LONRF2: variants seen among roughly 807,000 people sequenced by gnomAD.
LONRF2 encodes the protein LON peptidase N-terminal domain and RING finger protein 2.
A neutral mutation model predicts 66.6 loss-of-function variants in LONRF2; 35 were observed. That is an observed-to-expected ratio of 0.53 (90% CI 0.40 to 0.70). LONRF2 has a LOEUF of 0.70. Ranked by LOEUF, LONRF2 falls within the 30% of genes least tolerant of loss-of-function variation. The pLI is 0.00. For synonymous variants in LONRF2, 417 were observed against 418.1 expected (o/e 1.00, Z 0.03); for missense variants, 902 against 1,002.1 (o/e 0.90, Z 1.35).
At chr2:100,317,080 G>A (rs1320244037) in intron 1 of LONRF2, among the ~76,000 whole-genome samples, 1 of 152,090 alleles carries the variant, frequency 6.6e-6, no homozygotes, top group Admixed American at 6.5e-5. Flanking sequence ...TTTACCTCGT[G>A]TGTAAACAGC....
At chr2:100,290,616 T>C (rs1674940308) in intron 9 of LONRF2, among the ~76,000 whole-genome samples, 196 bp from the exon 10 acceptor site, 2 of 152,192 alleles carry the variant, frequency 1.3e-5, no homozygotes, top group South Asian at 2.1e-4. Flanking sequence ...ATAGTGGTGA[T>C]GGTGGCTGCA....
In LONRF2 at chr2:100,278,032, C is replaced by T. The variant is rs1057242297; in HGVS notation, c.*6266G>A. ...CTCTGGGAAAAGGCATTCGCTACAA[C>T]TTCCACAGCCCTGATAGGTTCCACA... On this transcript the variant is annotated 3_prime_UTR_variant, in exon 12 of 12. Coordinates refer to ENST00000393437, the MANE Select transcript of LONRF2 (RefSeq NM_198461.4). 2 of 152,196 alleles carry T rather than the reference C, an allele frequency of 1.3e-5. No homozygotes were observed. Among genetic ancestry groups the T allele is most frequent in the African/African-American group, 4.8e-5 (2 of 41,440 alleles). The allele number at this position is 152,196 out of a possible 1,614,324, so 9.4% of individuals were successfully genotyped here.
At chr2:100,290,183 AC>A in intron 10 of LONRF2, 74 bp downstream of exon 10, 8 of 1,403,766 alleles carry the variant, frequency 5.7e-6, no homozygotes, top group Non-Finnish European at 7.8e-6. Flanking sequence ...TACAAGTTTG[AC>A]AAAGCTTTTC....
In LONRF2 at chr2:100,299,723, T is replaced by G; in HGVS notation, c.1261A>C (p.Lys421Gln). The change falls in exon 5 of 12, where the codon AAG becomes CAG. Residue 421 changes from lysine to glutamine, a missense_variant. Physicochemically the swap from Lys to Gln is moderately conservative, Grantham distance 53 (BLOSUM62 1). This residue lies in a region of LONRF2 where 585 missense variants were observed against 569.9 expected (regional missense o/e 1.03). Transcript: ENST00000393437. ...ATGAAAACAGTTCACTGACCTTTCT[T>G]GGGAATTTTTCCAGGGGCGTTCAGG... ...PDLNAPGKIP[K>Q]KDLSLQRSPN... 1 of 1,614,006 alleles carries G rather than the reference T, an allele frequency of 6.2e-7. No individual in the cohort carries two copies. The highest frequency in any genetic ancestry group is 8.5e-7 in the Non-Finnish European group (1 of 1,179,970).
chr2:100,295,377 G>A (rs1675043581), intron 8 of LONRF2, 55 bp downstream of exon 8: 2 of 1,546,648 alleles, frequency 1.3e-6, no homozygotes, highest in South Asian at 1.2e-5. Flanking sequence ...TGAAGCTGAA[G>A]TTGACAAAGT....
chr2:100,307,049 T>C (rs1456124368), intron 2 of LONRF2, among the ~76,000 whole-genome samples: 1 of 151,610 alleles, frequency 6.6e-6, no homozygotes, highest in African/African-American at 2.4e-5. Flanking sequence ...GCCTCCCGAG[T>C]AGCTGGGACT....
Position 100,300,708 on chromosome 2 carries a change from G to C in LONRF2, c.1001C>G (p.Ala334Gly), listed in dbSNP as rs1336355059. The C allele has an allele frequency of 6.2e-7, 1 of 1,613,768 alleles. No individual in the cohort carries two copies. The highest frequency in any genetic ancestry group is 8.5e-7 in the Non-Finnish European group (1 of 1,179,888). Residue 334 changes from alanine to glycine, a missense_variant, in exon 4 of 12, where the codon GCT becomes GGT. Transcript: ENST00000393437. ...GGCATTCATGTGGCTGTGACCCTGA[G>C]CCTTTAATCTGCTTTGGATGGAAGA... ...LTSSIQSRLK[A>G]QGHSHMNAQA...
rs115799746 is a variant in LONRF2 at position 100,313,592 on chromosome 2, C to T, written c.680-4367G>A. ...GAATAAGTGGCAATACTCCTCAAAG[C>T]CTATTTATTCAAATTGATGGAAGAC... On this transcript the variant is annotated intron_variant, in intron 1 of 11. Coordinates refer to ENST00000393437, the MANE Select transcript of LONRF2 (RefSeq NM_198461.4). 2.8e-3 allele frequency among the ~76,000 whole-genome samples: 421 copies of T among 152,240 alleles called. 2 individuals carry two copies. The highest frequency in any genetic ancestry group is 7.2e-3 in the African/African-American group (297 of 41,538).
intron 1 of LONRF2, among the ~76,000 whole-genome samples, chr2:100,315,462 G>A (rs906982685): frequency 2.6e-5 from 4 of 152,124 alleles, no homozygotes; most frequent in African/African-American, 4.8e-5. Flanking sequence ...CCAGTGAAAT[G>A]CTGAGTGGCA....
At position 100,321,961 on chromosome 2, in the gene LONRF2, G is replaced by T. The variant is rs527552161; in HGVS notation, c.133C>A (p.Leu45Ile). The T allele has an allele frequency of 3.9e-5, 57 of 1,467,536 alleles. No homozygotes were observed. In the African/African-American group the frequency reaches 6.9e-4, roughly 18 times the overall value. The allele number at this position is 1,467,536 out of a possible 1,614,324, so 90.9% of individuals were successfully genotyped here. The change falls in exon 1 of 12, where the codon CTC becomes ATC. Residue 45 changes from leucine to isoleucine, a missense_variant. Physicochemically the swap from Leu to Ile is conservative, Grantham distance 5 (BLOSUM62 2). Coordinates refer to ENST00000393437, the MANE Select transcript of LONRF2 (RefSeq NM_198461.4). ...AGCCCGGCTAGCATGGAGCGAAAGA[G>T]CTCGGCTGCCATCTCGTAGTCGCCC... ...RAGDYEMAAE[L>I]FRSMLAGLAQ...
At position 100,299,721 on chromosome 2, in the gene LONRF2, C is replaced by T. The variant is rs1329828868; in HGVS notation, c.1263G>A (p.Lys421=). 1 of 1,613,914 alleles carries T rather than the reference C, an allele frequency of 6.2e-7. No homozygotes were observed. Among genetic ancestry groups the T allele is most frequent in the African/African-American group, 1.3e-5 (1 of 75,022 alleles). The change falls in exon 5 of 12, where the codon AAG becomes AAA. Residue 421 remains lysine (K), a synonymous_variant. Coordinates refer to ENST00000393437, the MANE Select transcript of LONRF2 (RefSeq NM_198461.4). ...TGATGAAAACAGTTCACTGACCTTT[C>T]TTGGGAATTTTTCCAGGGGCGTTCA... ...PDLNAPGKIP[K]KDLSLQRSPN...
chr2:100,289,667 ACCTCGTGACCTGCCCACCTTGG>A (rs1674918451), intron 10 of LONRF2, among the ~76,000 whole-genome samples: 1 of 151,968 alleles, frequency 6.6e-6, no homozygotes, highest in African/African-American at 2.4e-5. Context: ...CAATCTCCTG[ACCTCGTGACCTGCCCACCTTGG>A]CCTCCCAAAG....
chr2:100,295,897 G>C (rs986722198), intron 7 of LONRF2, among the ~76,000 whole-genome samples: 2 of 152,346 alleles, frequency 1.3e-5, no homozygotes, highest in East Asian at 1.9e-4. Flanking sequence ...CTTGGAAAGT[G>C]AAGAACTGGA....
chr2:100,309,250 C>A (rs754519451), intron 1 of LONRF2, 25 bp from the exon 2 acceptor site: 1 of 1,476,540 alleles, frequency 6.8e-7, no homozygotes, highest in South Asian at 1.2e-5. Flanking sequence ...GAATACAAAT[C>A]AATAAAAATG....
In LONRF2 at chr2:100,283,578, T is replaced by TAC. The variant is rs749184979; in HGVS notation, c.*719_*720insGT. 4 of 151,086 alleles carry TAC rather than the reference T, an allele frequency of 2.6e-5. No individual in the cohort carries two copies. Among genetic ancestry groups the TAC allele is most frequent in the South Asian group, 2.1e-4 (1 of 4,776 alleles). The allele number at this position is 151,086 out of a possible 1,614,324, so 9.4% of individuals were successfully genotyped here. On this transcript the variant is annotated 3_prime_UTR_variant, in exon 12 of 12. Coordinates refer to ENST00000393437, the MANE Select transcript of LONRF2 (RefSeq NM_198461.4). ...TTTAACTCACTTTATTGTGTGTAAATATATATATATATATCCTCAAGTGAA... is the reference window on the plus strand; with the variant it reads ...TTTAACTCACTTTATTGTGTGTAAATACATATATATATATATCCTCAAGTGAA...
Position 100,299,825 on chromosome 2 carries a change from A to T in LONRF2, c.1159T>A (p.Leu387Ile). 1.2e-6 allele frequency: 2 copies of T among 1,613,698 alleles called. No individual in the cohort carries two copies. Among genetic ancestry groups the T allele is most frequent in the Non-Finnish European group, 1.7e-6 (2 of 1,179,710 alleles). The change falls in exon 5 of 12, where the codon TTA becomes ATA. Residue 387 changes from leucine (L) to isoleucine (I), a missense_variant. Leu to Ile is a conservative substitution (Grantham distance 5). Coordinates refer to ENST00000393437, the MANE Select transcript of LONRF2 (RefSeq NM_198461.4). ...GLHFEEDKKA[L>I]ESILPTAPSA... The stretch of plus-strand genomic sequence containing the variant: ...GGTGCTGTTGGAAGGATGCTTTCTA[A>T]CGCCTTTTTATCCTCTTCAAAGTGT...
At chr2:100,313,873 A>ATTATCACTAAT (rs1467753045) in intron 1 of LONRF2, among the ~76,000 whole-genome samples, 1 of 152,182 alleles carries the variant, frequency 6.6e-6, no homozygotes, top group Non-Finnish European at 1.5e-5. Flanking sequence ...TTCTCACTAA[A>ATTATCACTAAT]TTATCATTCT....
chr2:100,273,820 T>C lies in LONRF2; in HGVS notation c.*10478A>G, dbSNP rs2105703464. 1 of 152,284 alleles carries C rather than the reference T, an allele frequency of 6.6e-6. No homozygotes were observed. Among genetic ancestry groups the C allele is most frequent in the South Asian group, 2.1e-4 (1 of 4,818 alleles). The allele number at this position is 152,284 out of a possible 1,614,324, so 9.4% of individuals were successfully genotyped here. A position where few individuals can be genotyped will look rare whatever the true frequency, so the allele number is the denominator to read the frequency against. On this transcript the variant is annotated 3_prime_UTR_variant, in exon 12 of 12. Coordinates refer to ENST00000393437, the MANE Select transcript of LONRF2 (RefSeq NM_198461.4). ...GTAAAATCATTTCACAACTCTAAAA[T>C]TAAGATGCTAATGACACCACTCTCC...
chr2:100,292,876 C>A (rs1207328712), intron 9 of LONRF2, among the ~76,000 whole-genome samples: 7 of 152,078 alleles, frequency 4.6e-5, no homozygotes, highest in Non-Finnish European at 8.8e-5. Context: ...TTTTTCCCCC[C>A]CTCTCATTTG....
Sources: gnomAD v4.1 joint callset for allele counts (sites outside exome capture counted in the v4.1 genomes callset) on GRCh38, gnomAD v4.1.1 for gene constraint, gnomAD v4.1.1 regional missense constraint, MANE v1.5 for transcripts, NCBI Gene and HGNC (gene_info 2026-07-23, HGNC 2026-07-21) for gene names.